The following PTPN5 variants were observed in gnomAD, a reference collection of about 807,000 sequenced individuals.
PTPN5 encodes the protein protein tyrosine phosphatase non-receptor type 5.
A neutral mutation model predicts 73.9 loss-of-function variants in PTPN5; 29 were observed. The observed-to-expected ratio is 0.39, with a 90% CI of 0.29 to 0.54. PTPN5 has a LOEUF of 0.54. Among genes scored for constraint, PTPN5 ranks in the 20% least tolerant of loss-of-function variants. The pLI is 0.65. For synonymous variants in PTPN5, 267 were observed against 304.7 expected, an observed-to-expected ratio of 0.88 and a Z score of 1.29; for missense variants, 652 against 751.4, an observed-to-expected ratio of 0.87 and a Z score of 1.55.
At position 18,742,982 on chromosome 11, in the gene PTPN5, G is replaced by A. The variant is rs1481553544; in HGVS notation, c.483+10C>T. On this transcript the variant is annotated intron_variant, in intron 6 of 14. Coordinates refer to ENST00000358540, the MANE Select transcript of PTPN5 (RefSeq NM_006906.2). The surrounding 1 kb of genome is among the most constrained non-coding windows in gnomAD (Gnocchi z 4.1). ...GACAGCCTTGAGGTTGGGGTCAGGA[G>A]GCGCCTTACCAGGGTGGTAACGAGG... The A allele has an allele frequency of 1.3e-6, 2 of 1,540,732 alleles. No individual in the cohort carries two copies. Among genetic ancestry groups the A allele is most frequent in the Admixed American group, 3.9e-5 (2 of 50,990 alleles).
chr11:18,782,023 CCA>C (rs1564932596), intron 1 of PTPN5, among the ~76,000 whole-genome samples: 1 of 152,200 alleles, frequency 6.6e-6, no homozygotes, highest in Non-Finnish European at 1.5e-5. Flanking sequence ...CTCAGTGTAG[CCA>C]CAGAGTAGAC....
At chr11:18,763,782 C>T (rs149880961) in intron 3 of PTPN5, among the ~76,000 whole-genome samples, 9 of 152,296 alleles carry the variant, frequency 5.9e-5, no homozygotes, top group African/African-American at 2.2e-4. Flanking sequence ...ATTTATTCCC[C>T]CAGGACACTT....
At chr11:18,752,783 AAG>A (rs1416078375) in intron 3 of PTPN5, among the ~76,000 whole-genome samples, 1 of 152,216 alleles carries the variant, frequency 6.6e-6, no homozygotes, top group East Asian at 1.9e-4. Flanking sequence ...TGAGAACTAA[AAG>A]AGCTGACAGC....
At chr11:18,771,905 G>T (rs376323511) in intron 2 of PTPN5, 34 bp downstream of exon 2, 6 of 1,593,270 alleles carry the variant, frequency 3.8e-6, no homozygotes, top group Non-Finnish European at 5.1e-6. Flanking sequence ...CTCAGTGGGC[G>T]GGTTGCAGGG....
intron 9 of PTPN5, among the ~76,000 whole-genome samples, chr11:18,737,259 C>A (rs898856257): frequency 1.3e-5 from 2 of 152,202 alleles, no homozygotes; most frequent in African/African-American, 4.8e-5. Context: ...GGTCTAACTG[C>A]CCCCAAAGGA....
chr11:18,740,374 G>GC (rs1849308665), intron 8 of PTPN5: 1 of 392,688 alleles, frequency 2.5e-6, no homozygotes, highest in Non-Finnish European at 4.6e-6. Context: ...CATGTTATAA[G>GC]TCTCTTTAAT....
chr11:18,775,605 C>T (rs1417850822), intron 1 of PTPN5, among the ~76,000 whole-genome samples: 1 of 152,114 alleles, frequency 6.6e-6, no homozygotes, highest in Non-Finnish European at 1.5e-5. Flanking sequence ...GGGTGGGGAG[C>T]CTGTGTTGGT....
chr11:18,729,963 C>T lies in PTPN5; in HGVS notation c.1330-145G>A. The T allele has an allele frequency of 2.7e-6, 3 of 1,097,684 alleles. No individual in the cohort carries two copies. The East Asian group carries it at 7.8e-5, about 28-fold the overall frequency. 68.0% of individuals were successfully genotyped at this position (1,097,684 alleles called of 1,614,324 possible). Reference sequence around the variant, plus strand: ...CCCCTTCACCCTTCCATCTAGGCCACATTGCCCAGTGGCACCAGACACAGA... The same window carrying T: ...CCCCTTCACCCTTCCATCTAGGCCATATTGCCCAGTGGCACCAGACACAGA... On this transcript the variant is annotated intron_variant, in intron 12 of 14. Coordinates refer to ENST00000358540, the MANE Select transcript of PTPN5 (RefSeq NM_006906.2). The surrounding 1 kb of genome is among the most constrained non-coding windows in gnomAD (Gnocchi z 5.2).
chr11:18,759,066 C>G (rs571448500), intron 3 of PTPN5, among the ~76,000 whole-genome samples: 8 of 152,180 alleles, frequency 5.3e-5, no homozygotes, highest in Admixed American at 1.3e-4. Context: ...GGTGGGGAGT[C>G]AAGAAAGGAC....
At chr11:18,778,758 T>C (rs1461297092) in intron 1 of PTPN5, among the ~76,000 whole-genome samples, 3 of 152,208 alleles carry the variant, frequency 2.0e-5, no homozygotes, top group Admixed American at 1.3e-4. Context: ...ACCTCTTTTC[T>C]TTATAAATTA....
intron 2 of PTPN5, among the ~76,000 whole-genome samples, chr11:18,766,972 G>C (rs1850671301): frequency 6.6e-6 from 1 of 152,226 alleles, no homozygotes; most frequent in Non-Finnish European, 1.5e-5. Flanking sequence ...CCTGAGAGCT[G>C]CCTTGTTCCC....
At chr11:18,755,158 T>C (rs1850072603) in intron 3 of PTPN5, among the ~76,000 whole-genome samples, 1 of 151,920 alleles carries the variant, frequency 6.6e-6, no homozygotes, top group South Asian at 2.1e-4. Flanking sequence ...GCTCGTGGAG[T>C]GGCTTGTGTG....
intron 1 of PTPN5, among the ~76,000 whole-genome samples, chr11:18,777,277 T>A (rs1851204354): frequency 6.6e-6 from 1 of 152,202 alleles, no homozygotes; most frequent in South Asian, 2.1e-4. Context: ...TGGGCAAGAT[T>A]TTGACTTCTC....
intron 3 of PTPN5, among the ~76,000 whole-genome samples, chr11:18,758,759 G>A (rs1347972070): frequency 6.6e-6 from 1 of 151,958 alleles, no homozygotes; most frequent in Non-Finnish European, 1.5e-5. Context: ...GAAAGGTAAT[G>A]GCATCTGTCA....
Position 18,791,536 on chromosome 11 carries a change from G to GA in PTPN5, c.-126_-125insT. 1 of 153,438 alleles carries GA rather than the reference G, an allele frequency of 6.5e-6. No homozygotes were observed. The highest frequency in any genetic ancestry group is 2.1e-4 in the South Asian group (1 of 4,848). The allele number at this position is 153,438 out of a possible 1,614,324, so 9.5% of individuals were successfully genotyped here. Reference sequence around the variant, plus strand: ...GGCGCCGCACTTACCGGCCAGAGCGGGCTCCGGGCGCCGGCGAGCAGGCGG... The same window carrying GA: ...GGCGCCGCACTTACCGGCCAGAGCGGAGCTCCGGGCGCCGGCGAGCAGGCGG... On this transcript the variant is annotated 5_prime_UTR_variant, in exon 1 of 15. Transcript: ENST00000358540.
chr11:18,758,600 T>C (rs1394979044), intron 3 of PTPN5, among the ~76,000 whole-genome samples: 1 of 151,998 alleles, frequency 6.6e-6, no homozygotes, highest in Admixed American at 6.6e-5. Context: ...AGTGTTGAGA[T>C]CGTCAGGCAG....
intron 3 of PTPN5, chr11:18,744,402 C>T (rs1251242880): frequency 4.8e-6 from 2 of 417,870 alleles, no homozygotes; most frequent in Middle Eastern, 5.9e-4. Context: ...CAAATTATTT[C>T]TCTTTTATTT....
At chr11:18,737,347 C>A (rs1343508484) in intron 9 of PTPN5, among the ~76,000 whole-genome samples, 1 of 152,186 alleles carries the variant, frequency 6.6e-6, no homozygotes, top group East Asian at 1.9e-4. Flanking sequence ...GGAGCTCACT[C>A]CCTGACAGAG....
intron 3 of PTPN5, among the ~76,000 whole-genome samples, chr11:18,756,938 C>T (rs200834124): frequency 7.2e-6 from 1 of 138,134 alleles, no homozygotes; most frequent in East Asian, 2.2e-4. Flanking sequence ...AAAAAAAAAC[C>T]AAAAAACAAA....
Sources: gnomAD v4.1 joint callset for allele counts (sites outside exome capture counted in the v4.1 genomes callset) on GRCh38, gnomAD v4.1.1 for gene constraint, Gnocchi (gnomAD v3.1) non-coding constraint, MANE v1.5 for transcripts, NCBI Gene and HGNC (gene_info 2026-07-23, HGNC 2026-07-21) for gene names.